The following PCLO variants were observed in gnomAD, a reference collection of about 807,000 sequenced individuals.
The protein encoded by PCLO is piccolo presynaptic cytomatrix protein.
A neutral mutation model predicts 427.5 loss-of-function variants in PCLO; 82 were observed. The observed-to-expected ratio is 0.19, with a 90% CI of 0.16 to 0.23. PCLO has a LOEUF of 0.23. Among genes scored for constraint, PCLO ranks in the 10% least tolerant of loss-of-function variants. PCLO has a pLI of 1.00. For synonymous variants in PCLO, 2,357 were observed against 2,155.4 expected, an observed-to-expected ratio of 1.09 and a Z score of -2.59; for missense variants, 6,239 against 6,115.9, an observed-to-expected ratio of 1.02 and a Z score of -0.67.
chr7:82,835,870 C>T lies in PCLO; in HGVS notation c.14223-177G>A, dbSNP rs1471999681. Among the ~76,000 whole-genome samples the T allele has an allele frequency of 2.6e-5, 4 of 152,038 alleles. No homozygotes were observed. The East Asian group carries it at 7.7e-4, about 29-fold the overall frequency. The stretch of plus-strand genomic sequence containing the variant: ...GCTAGAACTACAGTGAAAATAATAC[C>T]TTGCAAGTGTAATACATTCCAAGGC... On this transcript the variant is annotated intron_variant, in intron 15 of 24. Coordinates refer to ENST00000333891, the MANE Select transcript of PCLO (RefSeq NM_033026.6).
chr7:83,055,522 TGATTGTCTCTATCA>T (rs1011077065), intron 3 of PCLO, among the ~76,000 whole-genome samples: 48 of 152,116 alleles, frequency 3.2e-4, no homozygotes, highest in African/African-American at 1.2e-3. Context: ...GGACTTTTCG[TGATTGTCTCTATCA>T]GTTAGACACT....
Position 83,047,052 on chromosome 7 carries a change from G to C in PCLO, c.3301-80565C>G, listed in dbSNP as rs373726006. Among the ~76,000 whole-genome samples, 20 of 152,040 alleles carry C rather than the reference G, an allele frequency of 1.3e-4. No homozygotes were observed. In the East Asian group the frequency reaches 3.7e-3, roughly 28 times the overall value. On this transcript the variant is annotated intron_variant, in intron 3 of 24. Coordinates refer to ENST00000333891, the MANE Select transcript of PCLO (RefSeq NM_033026.6). ...TTGAGAGCTACTAACACTCTACTAT[G>C]AATATAAAGCAAAAGCCAAAAAAGG...
At chr7:82,828,930 A>G (rs1187505015) in intron 16 of PCLO, among the ~76,000 whole-genome samples, 1 of 152,124 alleles carries the variant, frequency 6.6e-6, no homozygotes, top group Admixed American at 6.6e-5. Context: ...GGGTCTTGAC[A>G]TGTGTCTGGA....
rs558005096 is a variant in PCLO at position 82,949,416 on chromosome 7, C to A, written c.11112+60G>T. 9.4e-4 allele frequency: 1,249 copies of A among 1,333,390 alleles called. 1 individual carries two copies. Among genetic ancestry groups the A allele is most frequent in the Non-Finnish European group, 1.2e-3 (1,159 of 967,070 alleles). 82.6% of individuals were successfully genotyped at this position (1,333,390 alleles called of 1,614,324 possible). On this transcript the variant is annotated intron_variant, in intron 6 of 24. Coordinates refer to ENST00000333891, the MANE Select transcript of PCLO (RefSeq NM_033026.6). Reference sequence around the variant, plus strand: ...AGGAGCCTGATCGCCTCCTAAAAGTCTGAAAACACATGATTAATAACTCAT... The same window carrying A: ...AGGAGCCTGATCGCCTCCTAAAAGTATGAAAACACATGATTAATAACTCAT...
chr7:82,953,124 G>T lies in PCLO; in HGVS notation c.7829C>A (p.Ser2610Tyr). Residue 2610 changes from serine to tyrosine, a missense_variant, in exon 5 of 25, where the codon TCC becomes TAC. This residue lies in a region of PCLO where 4,677 missense variants were observed against 4,468.4 expected (regional missense o/e 1.05). Coordinates refer to ENST00000333891, the MANE Select transcript of PCLO (RefSeq NM_033026.6). ...AITSWPLGSP[S>Y]KDLVSVEPVF... Reference sequence around the variant, plus strand: ...AGGTTCAACAGAAACCAGATCTTTGGAGGGTGATCCCAAGGGCCAACTGGT... The same window carrying T: ...AGGTTCAACAGAAACCAGATCTTTGTAGGGTGATCCCAAGGGCCAACTGGT... The T allele has an allele frequency of 6.2e-7, 1 of 1,613,950 alleles. No homozygotes were observed. Among genetic ancestry groups the T allele is most frequent in the Non-Finnish European group, 8.5e-7 (1 of 1,179,858 alleles).
At position 83,126,683 on chromosome 7, in the gene PCLO, A is replaced by T. The variant is rs114770964; in HGVS notation, c.3300+7567T>A. ...AGATAAATTGATAAAGATTTAAATT[A>T]TCTAAAACATAATATACAGACACTC... On this transcript the variant is annotated intron_variant, in intron 3 of 24. Transcript: ENST00000333891. Among the ~76,000 whole-genome samples the T allele has an allele frequency of 7.8e-3, 1,180 of 152,230 alleles. 23 individuals are homozygous for T. The highest frequency in any genetic ancestry group is 0.026 in the African/African-American group (1,069 of 41,568).
intron 6 of PCLO, among the ~76,000 whole-genome samples, chr7:82,948,363 A>C (rs1243771847): frequency 6.6e-6 from 1 of 152,110 alleles, no homozygotes; most frequent in African/African-American, 2.4e-5. Flanking sequence ...ATAATTTACT[A>C]TTATGACCAT....
Position 82,848,304 on chromosome 7 carries a change from G to GTTTTTTTTT in PCLO, c.13655-1066_13655-1058dup, listed in dbSNP as rs71522632. Among the ~76,000 whole-genome samples the GTTTTTTTTT allele has an allele frequency of 1.2e-4, 10 of 83,888 alleles. 2 individuals are homozygous for GTTTTTTTTT. The highest frequency in any genetic ancestry group is 9.5e-4 in the East Asian group (2 of 2,100). The allele number at this position is 83,888 out of a possible 152,430, so 55.0% of individuals were successfully genotyped here. A position where few individuals can be genotyped will look rare whatever the true frequency, so the allele number is the denominator to read the frequency against. ...AATTATGTTGTTGAACCATTAGTTA[G>GTTTTTTTTT]TTTTTTTTTTTTTTTTTTTTTTTTT... On this transcript the variant is annotated intron_variant, in intron 10 of 24. Transcript: ENST00000333891.
At chr7:82,858,992 T>C (rs1016087110) in intron 10 of PCLO, among the ~76,000 whole-genome samples, 1 of 152,138 alleles carries the variant, frequency 6.6e-6, no homozygotes, top group Non-Finnish European at 1.5e-5. Context: ...ACAAGAGATA[T>C]GGTGTCTATG....
At chr7:82,814,318 T>G in intron 20 of PCLO, among the ~76,000 whole-genome samples, 1 of 151,580 alleles carries the variant, frequency 6.6e-6, no homozygotes, top group East Asian at 1.9e-4. Context: ...ATAGAAGAGA[T>G]ATATAAGATA....
intron 20 of PCLO, among the ~76,000 whole-genome samples, chr7:82,810,180 C>G (rs1791539950): frequency 6.6e-6 from 1 of 151,430 alleles, no homozygotes; most frequent in Non-Finnish European, 1.5e-5. Flanking sequence ...ATATTTTAAA[C>G]ACACTAAGTA....
intron 6 of PCLO, among the ~76,000 whole-genome samples, chr7:82,936,220 T>C (rs1794950744): frequency 1.3e-5 from 2 of 151,648 alleles, no homozygotes; most frequent in South Asian, 2.1e-4. Context: ...TACAAAGTGC[T>C]TTCTTTGACC....
intron 3 of PCLO, among the ~76,000 whole-genome samples, chr7:83,012,731 C>T (rs1306588172): frequency 2.0e-5 from 3 of 151,360 alleles, no homozygotes; most frequent in Admixed American, 2.0e-4. Flanking sequence ...AACAGAACAC[C>T]TTGGTGACTA....
chr7:83,100,142 C>CA (rs967102542), intron 3 of PCLO, among the ~76,000 whole-genome samples: 19 of 151,536 alleles, frequency 1.3e-4, no homozygotes, highest in Admixed American at 3.9e-4. Flanking sequence ...ATATAATTGG[C>CA]AAAAAAAATT....
At chr7:82,910,479 T>C (rs1346527345) in intron 7 of PCLO, among the ~76,000 whole-genome samples, 1 of 152,096 alleles carries the variant, frequency 6.6e-6, no homozygotes, top group Non-Finnish European at 1.5e-5. Context: ...TTAACACATA[T>C]CTGTTTTGTA....
At chr7:82,959,103 G>A (rs1433209332) in intron 4 of PCLO, among the ~76,000 whole-genome samples, 4 of 152,058 alleles carry the variant, frequency 2.6e-5, no homozygotes, top group Non-Finnish European at 5.9e-5. Context: ...GTCACGCTCT[G>A]TCACCCAGGC....
At position 82,966,068 on chromosome 7, in the gene PCLO, CT is replaced by C; in HGVS notation, c.3719del (p.Lys1240SerfsTer78). 1 of 1,613,010 alleles carries C rather than the reference CT, an allele frequency of 6.2e-7. No homozygotes were observed. The highest frequency in any genetic ancestry group is 1.1e-5 in the South Asian group (1 of 90,904). ...EEKKPLLEEK[K>X]PTPEDKKLLP... ...GTAGCTTTTTGTCTTCAGGGGTTGGCTTTTTTTCTTCTAGGAGTGGCTTTTT... is the reference window on the plus strand; with the variant it reads ...GTAGCTTTTTGTCTTCAGGGGTTGGCTTTTTTCTTCTAGGAGTGGCTTTTT... On this transcript the variant is annotated frameshift_variant, in exon 4 of 25. Transcript: ENST00000333891. LOFTEE classifies it high-confidence loss of function.
intron 3 of PCLO, among the ~76,000 whole-genome samples, chr7:82,979,771 T>C (rs1796106618): frequency 6.6e-6 from 1 of 152,126 alleles, no homozygotes; most frequent in African/African-American, 2.4e-5. Context: ...GATTTGGAAC[T>C]GAGAAAGGGA....
intron 20 of PCLO, among the ~76,000 whole-genome samples, chr7:82,813,321 C>T (rs926135093): frequency 4.6e-5 from 7 of 151,700 alleles, no homozygotes; most frequent in Admixed American, 1.3e-4. Flanking sequence ...ATCATTTCAT[C>T]AATCTTTCTC....
Sources: allele counts gnomAD v4.1 joint callset (sites outside exome capture counted in the v4.1 genomes callset), GRCh38; gene constraint gnomAD v4.1.1; regional missense constraint gnomAD v4.1.1; transcripts MANE v1.5; gene names NCBI Gene and HGNC (gene_info 2026-07-23, HGNC 2026-07-21).